Variants in BANK1 observed in about 807,000 individuals in gnomAD.
BANK1 encodes the protein B-cell scaffold protein with ankyrin repeats.
BANK1 carries 95 observed loss-of-function variants against 94.5 expected under a neutral mutation model. The observed-to-expected ratio is 1.00, with a 90% CI of 0.85 to 1.19. The LOEUF (loss-of-function observed/expected upper bound fraction) is 1.19. BANK1 is among the 50% of genes most tolerant of loss of function. BANK1 has a pLI of 0.00. For synonymous variants in BANK1, 334 were observed against 308.4 expected (o/e 1.08, Z -0.87); for missense variants, 987 against 932.2 (o/e 1.06, Z -0.77).
At chr4:101,856,342 A>G (rs1308045614) in intron 3 of BANK1, among the ~76,000 whole-genome samples, 1 of 151,956 alleles carries the variant, frequency 6.6e-6, no homozygotes, top group Non-Finnish European at 1.5e-5. Flanking sequence ...GAGGAAACTG[A>G]CACAGATGAT....
chr4:101,984,194 C>T (rs1346821408), intron 7 of BANK1, among the ~76,000 whole-genome samples: 2 of 151,766 alleles, frequency 1.3e-5, no homozygotes, highest in African/African-American at 2.4e-5. Flanking sequence ...CATAAAAGAC[C>T]TAAGAAAGCT....
At chr4:102,042,479 G>A (rs929862053) in intron 10 of BANK1, among the ~76,000 whole-genome samples, 9 of 151,972 alleles carry the variant, frequency 5.9e-5, no homozygotes, top group Non-Finnish European at 8.8e-5. Context: ...CACAGTTGAA[G>A]GGAGTACTCT....
chr4:102,031,468 T>C (rs1327534952), intron 10 of BANK1, among the ~76,000 whole-genome samples: 1 of 152,360 alleles, frequency 6.6e-6, no homozygotes, highest in Non-Finnish European at 1.5e-5. Context: ...CAATTTTGTC[T>C]TTTGTTGTCA....
intron 13 of BANK1, among the ~76,000 whole-genome samples, chr4:102,066,927 G>T (rs1728614054): frequency 6.6e-6 from 1 of 152,116 alleles, no homozygotes; most frequent in Non-Finnish European, 1.5e-5. Context: ...AAAGGACAGT[G>T]GAGGCAGATA....
In BANK1 at chr4:102,021,597, G is replaced by T. The variant is rs1473907171; in HGVS notation, c.1285+5G>T. ...CATTTTCCACATATATTCCTTGTAA[G>T]TTTTTCCATGTTATATATATATATG... On this transcript the variant is annotated splice_donor_5th_base_variant and intron_variant, in intron 8 of 16. Coordinates refer to ENST00000322953, the MANE Select transcript of BANK1 (RefSeq NM_017935.5). 8.2e-7 allele frequency: 1 copy of T among 1,223,518 alleles called. No homozygotes were observed. The highest frequency in any genetic ancestry group is 1.6e-5 in the South Asian group (1 of 61,268). The allele number at this position is 1,223,518 out of a possible 1,614,324, so 75.8% of individuals were successfully genotyped here. A position where few individuals can be genotyped will look rare whatever the true frequency, so the allele number is the denominator to read the frequency against.
At chr4:101,839,622 G>A (rs1472080775) in intron 2 of BANK1, among the ~76,000 whole-genome samples, 1 of 152,008 alleles carries the variant, frequency 6.6e-6, no homozygotes, top group African/African-American at 2.4e-5. Context: ...TTTCAGCCCC[G>A]TTATTATGCT....
intron 2 of BANK1, among the ~76,000 whole-genome samples, chr4:101,838,101 A>T (rs1427970330): frequency 6.6e-6 from 1 of 152,120 alleles, no homozygotes; most frequent in African/African-American, 2.4e-5. Context: ...CTGGGATTAC[A>T]GGTGTGTGCT....
chr4:101,930,447 T>C (rs185796614), intron 7 of BANK1, among the ~76,000 whole-genome samples: 1 of 151,494 alleles, frequency 6.6e-6, no homozygotes, highest in Admixed American at 6.6e-5. Flanking sequence ...CATTTGAAAG[T>C]GATAAACAAG....
Position 101,790,806 on chromosome 4 carries a change from G to C in BANK1, c.-75G>C. ...GGCCAAAGGAAGAGAAAATCGCGGG[G>C]AGTCTCTGGCCGGGAGAGTCCAGGT... is the stretch of plus-strand genomic sequence containing the variant. On this transcript the variant is annotated 5_prime_UTR_variant, in exon 1 of 17. Coordinates refer to ENST00000322953, the MANE Select transcript of BANK1 (RefSeq NM_017935.5). 7.0e-7 allele frequency: 1 copy of C among 1,423,476 alleles called. No individual in the cohort carries two copies. Among genetic ancestry groups the C allele is most frequent in the Non-Finnish European group, 9.6e-7 (1 of 1,044,988 alleles). 88.2% of individuals were successfully genotyped at this position (1,423,476 alleles called of 1,614,324 possible).
At chr4:101,816,554 C>T (rs942705688) in intron 1 of BANK1, among the ~76,000 whole-genome samples, 1 of 123,774 alleles carries the variant, frequency 8.1e-6, no homozygotes, top group Admixed American at 7.6e-5. Flanking sequence ...TAATGCCATG[C>T]TTCTTTTTTT....
chr4:102,007,150 A>ATATATATAAAAAATATAT (rs1726330661), intron 7 of BANK1, among the ~76,000 whole-genome samples: 1 of 22,542 alleles, frequency 4.4e-5, no homozygotes, highest in African/African-American at 1.2e-4. Flanking sequence ...TATATTTTAT[A>ATATATATAAAAAATATAT]TATATATATA....
At chr4:102,049,652 C>T (rs941349059) in intron 11 of BANK1, among the ~76,000 whole-genome samples, 6 of 152,278 alleles carry the variant, frequency 3.9e-5, no homozygotes, top group South Asian at 2.1e-4. Flanking sequence ...GAATGTCAGA[C>T]GACCACCAGG....
At chr4:101,977,054 A>G (rs1333235657) in intron 7 of BANK1, 2 of 152,150 alleles carry the variant, frequency 1.3e-5, no homozygotes, top group African/African-American at 4.8e-5. Flanking sequence ...AGGGATGAAG[A>G]AAGTCCCTGA....
intron 7 of BANK1, among the ~76,000 whole-genome samples, chr4:101,997,111 C>A (rs998562959): frequency 1.3e-5 from 2 of 152,004 alleles, no homozygotes; most frequent in Non-Finnish European, 2.9e-5. Flanking sequence ...TCCATCAATA[C>A]CTAGTTTTTT....
chr4:101,814,223 A>G (rs1725820207), intron 1 of BANK1, among the ~76,000 whole-genome samples: 1 of 152,208 alleles, frequency 6.6e-6, no homozygotes, highest in Non-Finnish European at 1.5e-5. Flanking sequence ...ATGCTTTAGT[A>G]ATACAGGCTA....
chr4:102,070,281 A>G (rs1167088371), intron 13 of BANK1, among the ~76,000 whole-genome samples: 1 of 152,142 alleles, frequency 6.6e-6, no homozygotes, highest in South Asian at 2.1e-4. Context: ...CTTTCCCTTC[A>G]TTCTTCCCTA....
intron 6 of BANK1, among the ~76,000 whole-genome samples, chr4:101,911,370 A>G (rs2148897614): frequency 6.6e-6 from 1 of 152,348 alleles, no homozygotes; most frequent in South Asian, 2.1e-4. Context: ...ATAACTTATA[A>G]CAAGTTTGAA....
In BANK1 at chr4:101,981,397, T is replaced by C. The variant is rs943058343; in HGVS notation, c.1207-40117T>C. On this transcript the variant is annotated intron_variant, in intron 7 of 16. Coordinates refer to ENST00000322953, the MANE Select transcript of BANK1 (RefSeq NM_017935.5). ...TTGAATAGATTTAATAATATTGACC[T>C]GATTTTGTGTTCTAGGAATAAATTC... 3.3e-5 allele frequency among the ~76,000 whole-genome samples: 5 copies of C among 152,208 alleles called. No homozygotes were observed. The East Asian group carries it at 7.7e-4, about 23-fold the overall frequency.
At chr4:101,942,529 T>C (rs1723788826) in intron 7 of BANK1, among the ~76,000 whole-genome samples, 1 of 151,866 alleles carries the variant, frequency 6.6e-6, no homozygotes, top group Non-Finnish European at 1.5e-5. Flanking sequence ...AATAAATAAA[T>C]GGGCAAGCTC....
Sources: allele counts gnomAD v4.1 joint callset (sites outside exome capture counted in the v4.1 genomes callset), GRCh38; gene constraint gnomAD v4.1.1; transcripts MANE v1.5; gene names NCBI Gene and HGNC (gene_info 2026-07-23, HGNC 2026-07-21).